Variants in GBF1 observed in about 807,000 individuals in gnomAD.
GBF1 encodes Golgi-specific brefeldin A-resistance guanine nucleotide exchange factor 1.
Under a neutral mutation model 210.5 loss-of-function variants are expected in GBF1, and 114 were observed. The observed-to-expected ratio is 0.54, with a 90% CI of 0.47 to 0.63. GBF1 has a LOEUF of 0.63. Ranked by LOEUF, GBF1 falls within the 30% of genes least tolerant of loss-of-function variation. The pLI is 0.00. For synonymous variants in GBF1, 850 were observed against 889.2 expected (o/e 0.96, Z 0.78); for missense variants, 1,851 against 2,357.7 (o/e 0.79, Z 4.45).
intron 3 of GBF1, among the ~76,000 whole-genome samples, chr10:102,312,772 C>T (rs145345169): frequency 6.6e-6 from 1 of 152,264 alleles, no homozygotes; most frequent in Non-Finnish European, 1.5e-5. Context: ...CCTCGGGTAC[C>T]TGTAAAGTCA....
intron 3 of GBF1, among the ~76,000 whole-genome samples, chr10:102,306,177 C>T (rs1344781164): frequency 6.6e-6 from 1 of 152,194 alleles, no homozygotes; most frequent in Non-Finnish European, 1.5e-5. Context: ...AGCTGCACTA[C>T]TCAAACACAC....
At position 102,333,463 on chromosome 10, in the gene GBF1, C is replaced by T. The variant is rs370026631; in HGVS notation, c.164-10588C>T. Reference sequence around the variant, plus strand: ...GCTTTGATTATTCTTTGGACCACTACCCCTCTTTTTTTTTTTTTTCTTTTT... The same window carrying T: ...GCTTTGATTATTCTTTGGACCACTATCCCTCTTTTTTTTTTTTTTCTTTTT... On this transcript the variant is annotated intron_variant, in intron 3 of 39. Coordinates refer to ENST00000369983, the MANE Select transcript of GBF1 (RefSeq NM_001377137.1). Among the ~76,000 whole-genome samples the T allele has an allele frequency of 6.7e-4, 102 of 152,102 alleles. 1 individual carries two copies. The highest frequency in any genetic ancestry group is 2.3e-3 in the African/African-American group (97 of 41,472).
chr10:102,254,805 A>G (rs2072098345), intron 1 of GBF1, among the ~76,000 whole-genome samples: 1 of 151,936 alleles, frequency 6.6e-6, no homozygotes, highest in African/African-American at 2.4e-5. Context: ...ACACAAGATA[A>G]ATCTTAAGTT....
chr10:102,381,359 C>A, intron 39 of GBF1, 104 bp downstream of exon 39: 1 of 1,220,866 alleles, frequency 8.2e-7, no homozygotes, highest in East Asian at 2.4e-5. Context: ...GTCTGTGAGC[C>A]GAGGGAAGAA....
In GBF1 at chr10:102,379,590, C is replaced by T; in HGVS notation, c.4715C>T (p.Ala1572Val). 1.9e-6 allele frequency: 3 copies of T among 1,614,098 alleles called. No individual in the cohort carries two copies. The highest frequency in any genetic ancestry group is 2.5e-6 in the Non-Finnish European group (3 of 1,179,978). ...CAGGCACTGACCTATCTGCAGCGAG[C>T]ACTACTTGTACATGATCTGCAAAAG... is the stretch of plus-strand genomic sequence containing the variant. The part of the protein sequence containing the change: ...RMQALTYLQR[A>V]LLVHDLQKLD... Residue 1572 changes from alanine to valine, a missense_variant, in exon 35 of 40, where the codon GCA becomes GTA. Ala to Val is a moderately conservative substitution (Grantham distance 64). This residue lies in a region of GBF1 where 967 missense variants were observed against 1,247.7 expected (regional missense o/e 0.78). Transcript: ENST00000369983.
rs543676290 is a variant in GBF1 at position 102,292,315 on chromosome 10, A to T, written c.163+32199A>T. Among the ~76,000 whole-genome samples, 153 of 151,142 alleles carry T rather than the reference A, an allele frequency of 1.0e-3. 2 individuals carry two copies. In the East Asian group the frequency reaches 0.012, roughly 12 times the overall value. On this transcript the variant is annotated intron_variant, in intron 3 of 39. Coordinates refer to ENST00000369983, the MANE Select transcript of GBF1 (RefSeq NM_001377137.1). ...AGAAAAGAAAAAAAAATTTAATGAT[A>T]AAAAAAATAAGAAAATTGGACCAAA...
chr10:102,354,729 T>C (rs560627173), intron 8 of GBF1, among the ~76,000 whole-genome samples: 243 of 152,168 alleles, frequency 1.6e-3, no homozygotes, highest in African/African-American at 5.5e-3. Context: ...TGCTGTTACC[T>C]TGTGGGGAGG....
chr10:102,236,004 A>G, the GBF1 span, among the ~76,000 whole-genome samples: 4 of 152,220 alleles, frequency 2.6e-5, no homozygotes, highest in East Asian at 1.9e-4. Flanking sequence ...GAGAGGAGCC[A>G]CAGCTGAGAA....
At chr10:102,304,993 GAAAGA>G (rs2077716275) in intron 3 of GBF1, among the ~76,000 whole-genome samples, 1 of 332 alleles carries the variant, frequency 3.0e-3, no homozygotes, top group South Asian at 0.5. Flanking sequence ...TAAAAAAAAA[GAAAGA>G]AAGAAAGAAA....
At position 102,382,261 on chromosome 10, in the gene GBF1, C is replaced by T. The variant is rs1419763659; in HGVS notation, c.5508C>T (p.Ile1836=). ...TLPIILNPAL[I]EATSPVPLLA... is the part of the protein sequence containing the mutation. ...CCATCATCCTCAACCCTGCGCTCAT[C>T]GAGGCCACCTCACCAGTGCCCCTCC... Residue 1836 remains isoleucine, a synonymous_variant, in exon 40 of 40, where the codon ATC becomes ATT. Transcript: ENST00000369983. The T allele has an allele frequency of 3.1e-6, 5 of 1,613,890 alleles. No individual in the cohort carries two copies. Among genetic ancestry groups the T allele is most frequent in the Non-Finnish European group, 3.4e-6 (4 of 1,179,908 alleles).
intron 1 of GBF1, among the ~76,000 whole-genome samples, chr10:102,251,988 A>C (rs2071594702): frequency 6.6e-6 from 1 of 152,090 alleles, no homozygotes; most frequent in African/African-American, 2.4e-5. Context: ...CAGGAGTTTG[A>C]GACCAGCCTG....
chr10:102,356,289 G>A (rs2059284148), intron 8 of GBF1, among the ~76,000 whole-genome samples: 3 of 152,212 alleles, frequency 2.0e-5, no homozygotes, highest in Admixed American at 2.0e-4. Flanking sequence ...CCTTTAGGAA[G>A]AGGCAGAGAG....
At chr10:102,241,905 C>T (rs534455331), upstream of GBF1, among the ~76,000 whole-genome samples, 40 of 152,334 alleles carry the variant, frequency 2.6e-4, no homozygotes, top group Non-Finnish European at 4.6e-4. The surrounding 1 kb of genome is among the most constrained non-coding windows in gnomAD (Gnocchi z 6.7). Context: ...GGTGGGAAGG[C>T]GCACGGGGCC....
At chr10:102,284,422 C>G (rs920677497) in intron 3 of GBF1, among the ~76,000 whole-genome samples, 1 of 152,180 alleles carries the variant, frequency 6.6e-6, no homozygotes, top group African/African-American at 2.4e-5. Flanking sequence ...TCCACACTTT[C>G]CCTTCCCCTC....
At chr10:102,284,783 T>C (rs2075804493) in intron 3 of GBF1, among the ~76,000 whole-genome samples, 1 of 152,202 alleles carries the variant, frequency 6.6e-6, no homozygotes, top group Non-Finnish European at 1.5e-5. Flanking sequence ...TACCTAGGAC[T>C]GGAATTGCTG....
At chr10:102,331,247 G>T (rs1300668273) in intron 3 of GBF1, among the ~76,000 whole-genome samples, 1 of 152,104 alleles carries the variant, frequency 6.6e-6, no homozygotes, top group Non-Finnish European at 1.5e-5. Flanking sequence ...TGGTCATCTT[G>T]AACCTTTTTG....
chr10:102,360,918 T>G, intron 12 of GBF1, 104 bp from the exon 13 acceptor site: 1 of 693,932 alleles, frequency 1.4e-6, no homozygotes. Flanking sequence ...GAGGTTGCAG[T>G]GAGCTGAGAT....
At chr10:102,243,602 A>G (rs1366410134), upstream of GBF1, among the ~76,000 whole-genome samples, 1 of 152,156 alleles carries the variant, frequency 6.6e-6, no homozygotes, top group Non-Finnish European at 1.5e-5. Context: ...GCTTTCCAGG[A>G]CCTCTCAATC....
intron 4 of GBF1, among the ~76,000 whole-genome samples, chr10:102,349,987 A>G (rs1411842136): frequency 6.6e-6 from 1 of 151,972 alleles, no homozygotes; most frequent in African/African-American, 2.4e-5. Flanking sequence ...TTTCTCTCCT[A>G]ATGCCTGTTA....
Sources: allele counts gnomAD v4.1 joint callset (sites outside exome capture counted in the v4.1 genomes callset), GRCh38; gene constraint gnomAD v4.1.1; regional missense constraint gnomAD v4.1.1; non-coding constraint Gnocchi (gnomAD v3.1); transcripts MANE v1.5; gene names NCBI Gene and HGNC (gene_info 2026-07-23, HGNC 2026-07-21).